The following BMP2K variants were observed in gnomAD, a reference collection of about 807,000 sequenced individuals.
The protein encoded by BMP2K is BMP2 inducible kinase.
BMP2K carries 74 observed loss-of-function variants against 116.0 expected under a neutral mutation model. The ratio of observed to expected loss-of-function variants is 0.64; its 90% CI spans 0.53 to 0.77. The LOEUF is 0.77. Ranked by LOEUF, BMP2K falls within the 30% of genes least tolerant of loss-of-function variation. The probability of loss-of-function intolerance (pLI) is 0.00; values close to 1 mark genes in which losing one functional copy is unlikely to be tolerated. For missense variants in BMP2K, 1,365 were observed against 1,403.6 expected, an observed-to-expected ratio of 0.97 and a Z score of 0.44; for synonymous variants, 486 against 502.5, an observed-to-expected ratio of 0.97 and a Z score of 0.44.
intron 10 of BMP2K, among the ~76,000 whole-genome samples, chr4:78,869,729 A>G (rs1034132251): frequency 2.0e-5 from 3 of 152,222 alleles, no homozygotes; most frequent in African/African-American, 7.2e-5. Flanking sequence ...CTGGAAAGAA[A>G]TACACTTAAA....
intron 1 of BMP2K, among the ~76,000 whole-genome samples, chr4:78,821,337 C>T (rs1334772960): frequency 6.6e-6 from 1 of 152,110 alleles, no homozygotes; most frequent in Non-Finnish European, 1.5e-5. Flanking sequence ...TGTGTGACTC[C>T]CACATTTCAT....
chr4:78,903,708 A>T (rs1469575328), intron 15 of BMP2K, among the ~76,000 whole-genome samples: 1 of 151,980 alleles, frequency 6.6e-6, no homozygotes, highest in Non-Finnish European at 1.5e-5. Flanking sequence ...AAAATTTTTA[A>T]TACAGGGTAC....
intron 14 of BMP2K, among the ~76,000 whole-genome samples, chr4:78,885,092 T>C (rs2110072117): frequency 6.6e-6 from 1 of 152,342 alleles, no homozygotes; most frequent in Non-Finnish European, 1.5e-5. Context: ...GTTTAGGAAG[T>C]TTTGTTTGTT....
chr4:78,776,755 T>A, intron 1 of BMP2K, 34 bp downstream of exon 1: 2 of 1,247,234 alleles, frequency 1.6e-6, no homozygotes, highest in Non-Finnish European at 1.0e-6. Context: ...GACAGGCAGG[T>A]GAGGGAGGGT....
At chr4:78,796,211 A>G (rs187392845) in intron 1 of BMP2K, among the ~76,000 whole-genome samples, 1 of 152,308 alleles carries the variant, frequency 6.6e-6, no homozygotes, top group Admixed American at 6.5e-5. Flanking sequence ...CTATGCAGCC[A>G]TAAAAAATGA....
chr4:78,788,449 A>G (rs1200306118), intron 1 of BMP2K, among the ~76,000 whole-genome samples: 1 of 151,202 alleles, frequency 6.6e-6, no homozygotes, highest in Non-Finnish European at 1.5e-5. Flanking sequence ...TCATTAGCAC[A>G]GTATTATGGT....
chr4:78,865,850 A>G (rs1054229220), intron 10 of BMP2K, 130 bp downstream of exon 10: 9 of 869,540 alleles, frequency 1.0e-5, no homozygotes, highest in African/African-American at 1.0e-4. Context: ...GAAACTTTCT[A>G]TTGATGTCTA....
intron 1 of BMP2K, among the ~76,000 whole-genome samples, chr4:78,792,257 A>G (rs1198298578): frequency 6.6e-6 from 1 of 152,228 alleles, no homozygotes; most frequent in Admixed American, 6.5e-5. Context: ...GCATCTTTTC[A>G]TGTGTTTATT....
At chr4:78,783,364 G>A (rs1727596143) in intron 1 of BMP2K, among the ~76,000 whole-genome samples, 1 of 152,166 alleles carries the variant, frequency 6.6e-6, no homozygotes, top group African/African-American at 2.4e-5. Context: ...CTCCTAGGAT[G>A]TAATTTTGAT....
chr4:78,788,521 T>C (rs1435601371), intron 1 of BMP2K, among the ~76,000 whole-genome samples: 1 of 152,148 alleles, frequency 6.6e-6, no homozygotes, highest in East Asian at 1.9e-4. Flanking sequence ...GCTAAATCTT[T>C]GGTAAATTTT....
intron 2 of BMP2K, among the ~76,000 whole-genome samples, chr4:78,830,187 AT>A (rs999087108): frequency 6.6e-6 from 1 of 152,094 alleles, no homozygotes; most frequent in Non-Finnish European, 1.5e-5. Flanking sequence ...ATCAGTATTA[AT>A]TTTTTTGTAC....
intron 14 of BMP2K, 115 bp from the exon 15 acceptor site, chr4:78,887,059 T>G (rs1733131660): frequency 2.9e-6 from 2 of 681,086 alleles, no homozygotes; most frequent in Non-Finnish European, 2.5e-6. Context: ...CCTAATGTTT[T>G]GCAAAAAGGC....
At chr4:78,840,177 T>C (rs769121085) in intron 3 of BMP2K, among the ~76,000 whole-genome samples, 2 of 152,212 alleles carry the variant, frequency 1.3e-5, no homozygotes, top group African/African-American at 2.4e-5. Flanking sequence ...TTAATGTTAG[T>C]GATGAAATTT....
At chr4:78,845,172 G>A (rs1730940689) in intron 5 of BMP2K, 123 bp downstream of exon 5, 1 of 880,666 alleles carries the variant, frequency 1.1e-6, no homozygotes, top group Non-Finnish European at 1.7e-6. Flanking sequence ...ATATTTCTGT[G>A]CCATAGATGT....
At position 78,842,517 on chromosome 4, in the gene BMP2K, G is replaced by A. The variant is rs763626197; in HGVS notation, c.536G>A (p.Arg179Gln). 24 of 1,575,522 alleles carry A rather than the reference G, an allele frequency of 1.5e-5. No homozygotes were observed. The highest frequency in any genetic ancestry group is 1.7e-4 in the Middle Eastern group (1 of 5,940). Residue 179 changes from arginine to glutamine, a missense_variant, in exon 4 of 16, where the codon CGG becomes CAG. By Grantham distance (43) the Arg-to-Gln change is conservative (BLOSUM62 1). Coordinates refer to ENST00000502613, the MANE Select transcript of BMP2K (RefSeq NM_198892.2). ...CAGTGTAAGACTCCAATAATTCACC[G>A]GGATCTGAAGGTAAGAACTTTAGAA... is the stretch of plus-strand genomic sequence containing the variant. ...LHQCKTPIIH[R>Q]DLKVENILLN...
chr4:78,808,189 G>T (rs1364608762), intron 1 of BMP2K, among the ~76,000 whole-genome samples: 3 of 151,498 alleles, frequency 2.0e-5, no homozygotes, highest in Non-Finnish European at 2.9e-5. Flanking sequence ...CGCGTAGCTG[G>T]GACTACAGGT....
chr4:78,886,608 ACT>A, intron 14 of BMP2K, among the ~76,000 whole-genome samples: 1 of 151,494 alleles, frequency 6.6e-6, no homozygotes, highest in East Asian at 1.9e-4. Flanking sequence ...GAATCAATAA[ACT>A]CTGTTTTTGT....
chr4:78,871,825 T>A, intron 11 of BMP2K, 25 bp from the exon 12 acceptor site: 1 of 1,546,044 alleles, frequency 6.5e-7, no homozygotes, highest in Non-Finnish European at 8.9e-7. Flanking sequence ...GCATAACATT[T>A]ATTAATTTGA....
chr4:78,808,571 C>A (rs1300786585), intron 1 of BMP2K, among the ~76,000 whole-genome samples: 1 of 152,032 alleles, frequency 6.6e-6, no homozygotes, highest in African/African-American at 2.4e-5. Flanking sequence ...CGGCCGCTTC[C>A]TTTTTTAATA....
Sources: gnomAD v4.1 joint callset for allele counts (sites outside exome capture counted in the v4.1 genomes callset) on GRCh38, gnomAD v4.1.1 for gene constraint, MANE v1.5 for transcripts, NCBI Gene and HGNC (gene_info 2026-07-23, HGNC 2026-07-21) for gene names.